The following SPDYA variants were observed in gnomAD, a reference collection of about 807,000 sequenced individuals.
SPDYA encodes speedy protein A.
A neutral mutation model predicts 36.7 loss-of-function variants in SPDYA; 11 were observed. The observed-to-expected ratio is 0.30, with a 90% CI of 0.19 to 0.50. The LOEUF (loss-of-function observed/expected upper bound fraction) is 0.50, where lower values mean the gene tolerates loss of function less well. SPDYA is among the 20% of genes least tolerant of loss of function. The pLI is 0.98. For missense variants in SPDYA, 287 were observed against 370.9 expected (o/e 0.77, Z 1.86); for synonymous variants, 115 against 118.7 (o/e 0.97, Z 0.20).
intron 3 of SPDYA, among the ~76,000 whole-genome samples, chr2:28,816,522 C>G (rs1156308819): frequency 6.6e-6 from 1 of 152,064 alleles, no homozygotes; most frequent in Non-Finnish European, 1.5e-5. Context: ...GGCAATTCAA[C>G]TTCATAGCCC....
At chr2:28,816,923 G>A (rs985050480) in intron 3 of SPDYA, among the ~76,000 whole-genome samples, 1 of 151,824 alleles carries the variant, frequency 6.6e-6, no homozygotes, top group Non-Finnish European at 1.5e-5. Flanking sequence ...TAGGATAGAT[G>A]AGTTCTGAAA....
At chr2:28,848,629 C>A (rs548450579) in intron 7 of SPDYA, among the ~76,000 whole-genome samples, 1 of 152,060 alleles carries the variant, frequency 6.6e-6, no homozygotes, top group Non-Finnish European at 1.5e-5. Context: ...AAATGTCCTA[C>A]GTTCTATAAT....
At position 28,811,639 on chromosome 2, in the gene SPDYA, C is replaced by G. The variant is rs375113525; in HGVS notation, c.-93+692C>G. Among the ~76,000 whole-genome samples, 13 of 152,074 alleles carry G rather than the reference C, an allele frequency of 8.5e-5. No individual in the cohort carries two copies. The East Asian group carries it at 2.5e-3, about 29-fold the overall frequency. On this transcript the variant is annotated intron_variant, in intron 1 of 7. Coordinates refer to ENST00000334056, the MANE Select transcript of SPDYA (RefSeq NM_182756.4). The surrounding 1 kb of genome is among the most constrained non-coding windows in gnomAD (Gnocchi z 4.2). ...ATTCGAGAGCAGCCCACAGCGAAAA[C>G]CCCGTCTCTACAAAAAAATAATGAA...
chr2:28,849,394 C>T (rs980633327), intron 7 of SPDYA, among the ~76,000 whole-genome samples: 25 of 152,276 alleles, frequency 1.6e-4, no homozygotes, highest in South Asian at 1.2e-3. Context: ...CAGGTTTAAG[C>T]GATTCTCCTG....
At chr2:28,829,529 G>C (rs1196486777) in intron 6 of SPDYA, among the ~76,000 whole-genome samples, 1 of 151,660 alleles carries the variant, frequency 6.6e-6, no homozygotes, top group South Asian at 2.1e-4. Flanking sequence ...ACTGTCAACC[G>C]GGCAAGCCCT....
At chr2:28,843,531 A>G (rs1044981449) in intron 7 of SPDYA, among the ~76,000 whole-genome samples, 13 of 150,334 alleles carry the variant, frequency 8.6e-5, no homozygotes, top group Admixed American at 6.7e-5. Context: ...GCCTGTGCAA[A>G]AAGAGCAAAA....
chr2:28,812,379 T>C (rs1415196902), intron 1 of SPDYA, among the ~76,000 whole-genome samples: 1 of 151,852 alleles, frequency 6.6e-6, no homozygotes, highest in East Asian at 1.9e-4. Context: ...TTTCATATTA[T>C]GGCTGGGAAC....
chr2:28,847,052 T>A (rs907260923), intron 7 of SPDYA, among the ~76,000 whole-genome samples: 93 of 152,188 alleles, frequency 6.1e-4, no homozygotes, highest in Admixed American at 3.3e-4. Flanking sequence ...AATTAAAAAA[T>A]GGACTTCAGG....
At chr2:28,819,006 T>A in intron 3 of SPDYA, 42 bp from the exon 4 acceptor site, 1 of 1,450,800 alleles carries the variant, frequency 6.9e-7, no homozygotes, top group South Asian at 1.2e-5. Flanking sequence ...AAAGGAAACA[T>A]TCTGTTTTTA....
intron 5 of SPDYA, among the ~76,000 whole-genome samples, chr2:28,828,920 AACT>A (rs1169588712): frequency 4.9e-4 from 74 of 152,372 alleles, no homozygotes; most frequent in Middle Eastern, 6.8e-3. Flanking sequence ...ATTTCAAAGT[AACT>A]AACTGCATCC....
chr2:28,827,052 C>T (rs1045159973), intron 5 of SPDYA, among the ~76,000 whole-genome samples: 1 of 150,960 alleles, frequency 6.6e-6, no homozygotes, highest in Non-Finnish European at 1.5e-5. Flanking sequence ...CATTCTCCTG[C>T]CTCAGCCTCC....
chr2:28,816,931 A>T (rs980979634), intron 3 of SPDYA, among the ~76,000 whole-genome samples: 1 of 152,032 alleles, frequency 6.6e-6, no homozygotes, highest in Admixed American at 6.6e-5. Flanking sequence ...ATGAGTTCTG[A>T]AAAATATTTG....
intron 3 of SPDYA, among the ~76,000 whole-genome samples, chr2:28,817,469 G>A (rs1668012688): frequency 1.3e-5 from 2 of 152,222 alleles, no homozygotes; most frequent in Admixed American, 1.3e-4. Context: ...GCTGAGGCAG[G>A]AGAATCGCTT....
chr2:28,813,387 T>G (rs1399294030), intron 1 of SPDYA, among the ~76,000 whole-genome samples: 1 of 152,190 alleles, frequency 6.6e-6, no homozygotes, highest in Non-Finnish European at 1.5e-5. Context: ...GTAAAACTTA[T>G]CTTCTGGAAT....
intron 7 of SPDYA, among the ~76,000 whole-genome samples, chr2:28,841,104 T>C (rs1668742127): frequency 6.6e-6 from 1 of 151,902 alleles, no homozygotes; most frequent in Admixed American, 6.6e-5. Flanking sequence ...CCAGATAGTT[T>C]TTGTGTTTTT....
chr2:28,844,869 G>T (rs1668833210), intron 7 of SPDYA, among the ~76,000 whole-genome samples: 2 of 152,036 alleles, frequency 1.3e-5, no homozygotes, highest in Non-Finnish European at 2.9e-5. Context: ...GGAGGCGGAG[G>T]TTGCAGTGAG....
intron 3 of SPDYA, among the ~76,000 whole-genome samples, chr2:28,817,048 A>G (rs1448270154): frequency 6.6e-6 from 1 of 152,218 alleles, no homozygotes; most frequent in Non-Finnish European, 1.5e-5. Context: ...GATTTAAAGA[A>G]AAGCAAAATG....
intron 6 of SPDYA, among the ~76,000 whole-genome samples, chr2:28,837,159 T>C (rs1408745122): frequency 6.6e-6 from 1 of 152,308 alleles, no homozygotes; most frequent in East Asian, 1.9e-4. Flanking sequence ...AGGGAATGTA[T>C]TGGAAACTGC....
At chr2:28,829,090 A>T (rs575945108) in intron 5 of SPDYA, 58 bp from the exon 6 acceptor site, 1 of 1,490,046 alleles carries the variant, frequency 6.7e-7, no homozygotes, top group African/African-American at 1.4e-5. Flanking sequence ...GGTGTATGTG[A>T]ACTACCTGTT....
Sources: gnomAD v4.1 joint callset for allele counts (sites outside exome capture counted in the v4.1 genomes callset) on GRCh38, gnomAD v4.1.1 for gene constraint, Gnocchi (gnomAD v3.1) non-coding constraint, MANE v1.5 for transcripts, NCBI Gene and HGNC (gene_info 2026-07-23, HGNC 2026-07-21) for gene names.